SRL: variants seen among roughly 807,000 people sequenced by gnomAD.
SRL encodes the protein sarcalumenin.
A neutral mutation model predicts 39.5 loss-of-function variants in SRL; 23 were observed. The observed-to-expected ratio is 0.58, with a 90% confidence interval of 0.42 to 0.82. The LOEUF is 0.82. SRL is among the 40% of genes least tolerant of loss of function. The pLI is 0.00. For synonymous variants in SRL, 272 were observed against 237.4 expected, an observed-to-expected ratio of 1.15 and a Z score of -1.34; for missense variants, 592 against 607.8, an observed-to-expected ratio of 0.97 and a Z score of 0.27.
At chr16:4,200,832 G>A (rs1405688170) in intron 3 of SRL, among the ~76,000 whole-genome samples, 1 of 152,182 alleles carries the variant, frequency 6.6e-6, no homozygotes, top group African/African-American at 2.4e-5. Flanking sequence ...CCCCTCTGTA[G>A]AGCAGGAAGA....
chr16:4,192,900 A>G lies in SRL; in HGVS notation c.675T>C (p.Phe225=). 1.2e-6 allele frequency: 2 copies of G among 1,614,152 alleles called. No homozygotes were observed. The highest frequency in any genetic ancestry group is 1.7e-6 in the Non-Finnish European group (2 of 1,180,036). ...GACCCACATCCAGCTTTGTTGGGTCAAAGACGACAAAGATGAGGTCAGCTC... is the reference window on the plus strand; with the variant it reads ...GACCCACATCCAGCTTTGTTGGGTCGAAGACGACAAAGATGAGGTCAGCTC... ...IDRADLIFVV[F]DPTKLDVGLE... is the part of the protein sequence containing the mutation. The change falls in exon 6 of 6, where the codon TTT becomes TTC. Residue 225 remains phenylalanine, a synonymous_variant. Coordinates refer to ENST00000399609, the MANE Select transcript of SRL (RefSeq NM_001098814.2). The surrounding 1 kb of genome is among the most constrained non-coding windows in gnomAD (Gnocchi z 4.0).
chr16:4,199,804 C>G (rs2052200781), intron 3 of SRL, among the ~76,000 whole-genome samples: 1 of 144,784 alleles, frequency 6.9e-6, no homozygotes, highest in African/African-American at 2.5e-5. Flanking sequence ...TCAAGCCATT[C>G]TCCTGCCTCA....
chr16:4,218,229 C>G (rs2052483053), intron 1 of SRL, among the ~76,000 whole-genome samples: 1 of 152,178 alleles, frequency 6.6e-6, no homozygotes, highest in Non-Finnish European at 1.5e-5. Flanking sequence ...GGTGACCCCG[C>G]ACTTCACCCC....
At chr16:4,210,038 A>G (rs1042122617) in intron 1 of SRL, among the ~76,000 whole-genome samples, 1 of 152,182 alleles carries the variant, frequency 6.6e-6, no homozygotes, top group Non-Finnish European at 1.5e-5. Flanking sequence ...GATTTGCAGG[A>G]ATCCAATTTA....
intron 1 of SRL, chr16:4,208,203 G>A (rs968868324): frequency 2.7e-6 from 1 of 368,618 alleles, no homozygotes; most frequent in Non-Finnish European, 5.3e-6. Flanking sequence ...CTGGGATGTG[G>A]TGTTGGCCTG....
chr16:4,205,623 C>A (rs868191434), intron 1 of SRL, among the ~76,000 whole-genome samples: 1 of 152,060 alleles, frequency 6.6e-6, no homozygotes, highest in African/African-American at 2.4e-5. Flanking sequence ...AAGCCCCAGA[C>A]GAGCCTTATT....
chr16:4,193,023 C>G, intron 5 of SRL, 59 bp from the exon 6 acceptor site: 1 of 1,455,446 alleles, frequency 6.9e-7, no homozygotes, highest in East Asian at 2.3e-5. Flanking sequence ...GCCCGCGCAC[C>G]TCCTTTCAGA....
chr16:4,220,436 C>T (rs1336546526), intron 1 of SRL, among the ~76,000 whole-genome samples: 2 of 150,856 alleles, frequency 1.3e-5, no homozygotes, highest in Non-Finnish European at 2.9e-5. Context: ...TGACAGGAGA[C>T]ACTGTCCTAG....
chr16:4,205,121 G>A (rs961617181), intron 1 of SRL, among the ~76,000 whole-genome samples: 2 of 151,968 alleles, frequency 1.3e-5, no homozygotes, highest in African/African-American at 2.4e-5. Flanking sequence ...CCAAAAGTTG[G>A]AGACCAGCCT....
In SRL at chr16:4,192,360, G is replaced by A. The variant is rs377743040; in HGVS notation, c.1215C>T (p.Phe405=). 42 of 1,614,100 alleles carry A rather than the reference G, an allele frequency of 2.6e-5. No homozygotes were observed. Among genetic ancestry groups the A allele is most frequent in the South Asian group, 1.1e-4 (10 of 91,084 alleles). The change falls in exon 6 of 6, where the codon TTC becomes TTT. Residue 405 remains phenylalanine, a synonymous_variant. Coordinates refer to ENST00000399609, the MANE Select transcript of SRL (RefSeq NM_001098814.2). The surrounding 1 kb of genome is among the most constrained non-coding windows in gnomAD (Gnocchi z 4.0). ...LPNREAYKDF[F]GINPISSFKL... Reference sequence around the variant, plus strand: ...TGAAACTGGAAATGGGATTGATGCCGAAGAAGTCCTTATAGGCCTCGCGGT... The same window carrying A: ...TGAAACTGGAAATGGGATTGATGCCAAAGAAGTCCTTATAGGCCTCGCGGT...
intron 1 of SRL, among the ~76,000 whole-genome samples, chr16:4,235,756 A>C (rs2052707590): frequency 6.6e-6 from 1 of 152,056 alleles, no homozygotes; most frequent in African/African-American, 2.4e-5. Context: ...CATCTGAGTA[A>C]CTCAGGCCAC....
intron 1 of SRL, among the ~76,000 whole-genome samples, chr16:4,223,741 C>T (rs1055883228): frequency 6.6e-6 from 1 of 152,056 alleles, no homozygotes; most frequent in East Asian, 1.9e-4. Context: ...CACTAACATC[C>T]GAGAACCACC....
intron 5 of SRL, among the ~76,000 whole-genome samples, chr16:4,194,817 C>T (rs1451598103): frequency 6.6e-6 from 1 of 152,146 alleles, no homozygotes; most frequent in African/African-American, 2.4e-5. Flanking sequence ...AAGAATGCCT[C>T]TCCTGGTCTT....
At chr16:4,207,856 CTG>C (rs1308381426) in intron 1 of SRL, 2 of 456,524 alleles carry the variant, frequency 4.4e-6, no homozygotes, top group East Asian at 1.4e-4. Flanking sequence ...GGAGGTGACT[CTG>C]TGGCTGAGGC....
chr16:4,218,598 G>T (rs1483730103), intron 1 of SRL, among the ~76,000 whole-genome samples: 1 of 152,186 alleles, frequency 6.6e-6, no homozygotes, highest in Non-Finnish European at 1.5e-5. Flanking sequence ...TGGCTTTGAA[G>T]AGCCTCACAC....
At chr16:4,204,453 CT>C in intron 2 of SRL, 79 bp downstream of exon 2, 1 of 892,822 alleles carries the variant, frequency 1.1e-6, no homozygotes, top group Non-Finnish European at 1.6e-6. Context: ...CGCCCTGGCT[CT>C]CAGGAGCCTC....
intron 2 of SRL, 86 bp from the exon 3 acceptor site, chr16:4,203,347 G>A (rs1597272781): frequency 9.0e-7 from 1 of 1,108,254 alleles, no homozygotes; most frequent in East Asian, 2.4e-5. Flanking sequence ...CACCACCCAG[G>A]GCAGCTCCAC....
intron 1 of SRL, among the ~76,000 whole-genome samples, chr16:4,210,553 C>A (rs1198985855): frequency 7.4e-6 from 1 of 135,276 alleles, no homozygotes; most frequent in South Asian, 2.3e-4. Flanking sequence ...GCAGTGAACG[C>A]GATCTCGGTT....
chr16:4,197,080 T>G (rs2052158523), intron 4 of SRL, among the ~76,000 whole-genome samples: 2 of 111,686 alleles, frequency 1.8e-5, no homozygotes, highest in East Asian at 4.9e-4. Context: ...TTTTTTTTTT[T>G]TTTTGTGAGA....
Sources: allele counts gnomAD v4.1 joint callset (sites outside exome capture counted in the v4.1 genomes callset), GRCh38; gene constraint gnomAD v4.1.1; non-coding constraint Gnocchi (gnomAD v3.1); transcripts MANE v1.5; gene names NCBI Gene and HGNC (gene_info 2026-07-23, HGNC 2026-07-21).